MSMO1: variants seen among roughly 807,000 people sequenced by gnomAD.
MSMO1 encodes the protein methylsterol monooxygenase 1.
In MSMO1, 18 loss-of-function variants were observed where a neutral mutation model predicts 30.4. The observed-to-expected ratio is 0.59, with a 90% confidence interval of 0.41 to 0.88. The LOEUF is 0.88. Ranked by LOEUF, MSMO1 falls within the 40% of genes least tolerant of loss-of-function variation. MSMO1 has a pLI of 0.00. For synonymous variants in MSMO1, 84 were observed against 107.9 expected (o/e 0.78, Z 1.37); for missense variants, 284 against 340.5 (o/e 0.83, Z 1.31).
At chr4:165,338,291 CAA>C in intron 3 of MSMO1, among the ~76,000 whole-genome samples, 1 of 121,774 alleles carries the variant, frequency 8.2e-6, no homozygotes, top group South Asian at 2.9e-4. Context: ...TTTACATGAA[CAA>C]AAATATGTAT....
chr4:165,337,256 A>G (rs1226765872), intron 2 of MSMO1, among the ~76,000 whole-genome samples: 2 of 152,184 alleles, frequency 1.3e-5, no homozygotes, highest in African/African-American at 4.8e-5. Context: ...TTTGACTTGA[A>G]TCTGTGAACT....
intron 1 of MSMO1, among the ~76,000 whole-genome samples, chr4:165,331,061 T>C (rs1299410625): frequency 3.3e-5 from 5 of 152,060 alleles, no homozygotes; most frequent in Admixed American, 3.3e-4. Flanking sequence ...CCCCACACTT[T>C]GGGAGGCTGA....
rs780825543 is a variant in MSMO1, at chr4:165,333,523, A to G, written c.153A>G (p.Thr51=). The G allele has an allele frequency of 6.2e-6, 10 of 1,613,568 alleles. No homozygotes were observed. Among genetic ancestry groups the G allele is most frequent in the Admixed American group, 1.7e-5 (1 of 60,014 alleles). Residue 51 remains threonine (T), a synonymous_variant, in exon 2 of 6, where the codon ACA becomes ACG. Coordinates refer to ENST00000261507, the MANE Select transcript of MSMO1 (RefSeq NM_006745.5). ...LNNYTKFQIA[T]WGSLIVHEAL... Reference sequence around the variant, plus strand: ...ATTATACAAAGTTCCAGATTGCAACATGGGGATCCCTTATAGTTCATGAAG... The same window carrying G: ...ATTATACAAAGTTCCAGATTGCAACGTGGGGATCCCTTATAGTTCATGAAG...
At chr4:165,328,948 T>A (rs1747311443) in intron 1 of MSMO1, among the ~76,000 whole-genome samples, 1 of 152,220 alleles carries the variant, frequency 6.6e-6, no homozygotes, top group Non-Finnish European at 1.5e-5. Flanking sequence ...GAGCACATAC[T>A]GAACCTTTGG....
At chr4:165,333,313 T>A in intron 1 of MSMO1, 27 bp from the exon 2 acceptor site, 1 of 1,557,520 alleles carries the variant, frequency 6.4e-7, no homozygotes, top group East Asian at 2.3e-5. Flanking sequence ...ATTGTTTAAC[T>A]TATTATATAT....
intron 3 of MSMO1, among the ~76,000 whole-genome samples, chr4:165,338,184 C>A: frequency 6.6e-6 from 1 of 151,604 alleles, no homozygotes; most frequent in Non-Finnish European, 1.5e-5. Flanking sequence ...TGTTTATATA[C>A]ATGTATAAGT....
At chr4:165,334,863 C>T (rs531314979) in intron 2 of MSMO1, among the ~76,000 whole-genome samples, 1 of 152,272 alleles carries the variant, frequency 6.6e-6, no homozygotes, top group African/African-American at 2.4e-5. Context: ...TCACTTAGTA[C>T]AATTGGCCCT....
intron 1 of MSMO1, 70 bp from the exon 2 acceptor site, chr4:165,333,270 G>T (rs1747448489): frequency 1.6e-6 from 2 of 1,248,694 alleles, no homozygotes; most frequent in East Asian, 2.4e-5. Context: ...ATCAGAGGAT[G>T]CATTTTTTAA....
chr4:165,336,097 G>T (rs1488570964), intron 2 of MSMO1, among the ~76,000 whole-genome samples: 2 of 152,086 alleles, frequency 1.3e-5, no homozygotes, highest in Non-Finnish European at 2.9e-5. Context: ...GAAGTTGGTG[G>T]TGGTGATGAA....
At chr4:165,339,096 CTTTTTTTT>C (rs869192459) in intron 4 of MSMO1, among the ~76,000 whole-genome samples, 2 of 60,510 alleles carry the variant, frequency 3.3e-5, no homozygotes, top group East Asian at 6.6e-4. Context: ...ATGAGCACTG[CTTTTTTTT>C]TTTTTTTTTT....
In MSMO1 at chr4:165,337,785, G is replaced by A. The variant is rs369538193; in HGVS notation, c.256-4G>A. On this transcript the variant is annotated splice_region_variant and splice_polypyrimidine_tract_variant and intron_variant, in intron 2 of 5. Transcript: ENST00000261507. ...ATATTAGATATTGTGATTTTTCTTC[G>A]TAGGATAAGCCAGAGACATGGGAAA... 4.0e-5 allele frequency: 64 copies of A among 1,613,172 alleles called. No individual in the cohort carries two copies. The highest frequency in any genetic ancestry group is 3.3e-4 in the Middle Eastern group (2 of 6,072).
At position 165,329,494 on chromosome 4, in the gene MSMO1, C is replaced by T. The variant is rs1161200009; in HGVS notation, c.-32+1730C>T. Among the ~76,000 whole-genome samples the T allele has an allele frequency of 5.4e-5, 8 of 149,158 alleles. No individual in the cohort carries two copies. The South Asian group carries it at 1.1e-3, about 20-fold the overall frequency. ...TGCACAATACTTGTCAGAGTGAATG[C>T]ATTTAAGTTCCAAGAACCAAGGAAA... On this transcript the variant is annotated intron_variant, in intron 1 of 5. Coordinates refer to ENST00000261507, the MANE Select transcript of MSMO1 (RefSeq NM_006745.5).
At chr4:165,334,416 C>T (rs1347024722) in intron 2 of MSMO1, among the ~76,000 whole-genome samples, 3 of 152,118 alleles carry the variant, frequency 2.0e-5, no homozygotes, top group Non-Finnish European at 4.4e-5. Context: ...TGGTGATTTG[C>T]GCATATTTTG....
In MSMO1 at chr4:165,338,782, T is replaced by C. The variant is rs1417602039; in HGVS notation, c.531+4T>C. 1 of 1,580,456 alleles carries C rather than the reference T, an allele frequency of 6.3e-7. No individual in the cohort carries two copies. The highest frequency in any genetic ancestry group is 8.7e-7 in the Non-Finnish European group (1 of 1,150,766). On this transcript the variant is annotated splice_donor_region_variant and intron_variant, in intron 4 of 5. Coordinates refer to ENST00000261507, the MANE Select transcript of MSMO1 (RefSeq NM_006745.5). ...TAAAGTTCATCATGAGTTTCAGGTA[T>C]GTGAGAGTTATATTTAATTCTTTCT...
Position 165,339,096 on chromosome 4 carries a change from CTTTTTT to C in MSMO1, c.531+338_531+343del, listed in dbSNP as rs869192459. The stretch of plus-strand genomic sequence containing the variant: ...AAAACAGTAACTTCTATGAGCACTG[CTTTTTT>C]TTTTTTTTTTTTTTTTTTTGAGATA... On this transcript the variant is annotated intron_variant, in intron 4 of 5. Transcript: ENST00000261507. 9.6e-4 allele frequency among the ~76,000 whole-genome samples: 58 copies of C among 60,528 alleles called. No homozygotes were observed. In the South Asian group the frequency reaches 0.011, roughly 12 times the overall value. 39.7% of individuals were successfully genotyped at this position (60,528 alleles called of 152,430 possible).
At chr4:165,329,009 A>G (rs1747314775) in intron 1 of MSMO1, among the ~76,000 whole-genome samples, 2 of 152,356 alleles carry the variant, frequency 1.3e-5, no homozygotes, top group African/African-American at 2.4e-5. Context: ...GGATATGACC[A>G]GTAAACTTGG....
At chr4:165,328,157 G>A (rs1287806958) in intron 1 of MSMO1, 1 of 152,354 alleles carries the variant, frequency 6.6e-6, no homozygotes, top group Non-Finnish European at 1.5e-5. Flanking sequence ...TAGTGGGGTT[G>A]GGAAGGGCGT....
rs1747750586 is a variant in MSMO1 at position 165,342,746 on chromosome 4, G to A, written c.*800G>A. 2 of 152,290 alleles carry A rather than the reference G, an allele frequency of 1.3e-5. No homozygotes were observed. Among genetic ancestry groups the A allele is most frequent in the Non-Finnish European group, 2.9e-5 (2 of 68,038 alleles). 9.4% of individuals were successfully genotyped at this position (152,290 alleles called of 1,614,324 possible). ...CAATTGATAGCAGTGAGTGACTGAA[G>A]CTTCCAAATCAAGAAAAGCCGGCAC... is the stretch of plus-strand genomic sequence containing the variant. On this transcript the variant is annotated 3_prime_UTR_variant, in exon 6 of 6. Transcript: ENST00000261507.
chr4:165,342,935 A>G lies in MSMO1; in HGVS notation c.*989A>G, dbSNP rs1474220203. 1 of 152,592 alleles carries G rather than the reference A, an allele frequency of 6.6e-6. No individual in the cohort carries two copies. The highest frequency in any genetic ancestry group is 2.4e-5 in the African/African-American group (1 of 41,406). 9.5% of individuals were successfully genotyped at this position (152,592 alleles called of 1,614,324 possible). ...ACTTGAATTTTTTTAAAAATTGAGG[A>G]GCTTTATTTCTATTTACCCTTCCAT... On this transcript the variant is annotated 3_prime_UTR_variant, in exon 6 of 6. Transcript: ENST00000261507.
Sources: allele counts gnomAD v4.1 joint callset (sites outside exome capture counted in the v4.1 genomes callset), GRCh38; gene constraint gnomAD v4.1.1; transcripts MANE v1.5; gene names NCBI Gene and HGNC (gene_info 2026-07-23, HGNC 2026-07-21).